The following MAPK10 variants were observed in gnomAD, a reference collection of about 807,000 sequenced individuals.
The protein encoded by MAPK10 is mitogen-activated protein kinase 10, also known as JNK3 alpha protein kinase.
Under a neutral mutation model 59.3 loss-of-function variants are expected in MAPK10, and 25 were observed. The ratio of observed to expected loss-of-function variants is 0.42; its 90% CI spans 0.31 to 0.59. The LOEUF is 0.59. Among genes scored for constraint, MAPK10 ranks in the 20% least tolerant of loss-of-function variants. MAPK10 has a pLI of 0.15. For synonymous variants in MAPK10, 190 were observed against 200.5 expected (o/e 0.95, Z 0.44); for missense variants, 351 against 568.9 (o/e 0.62, Z 3.90).
chr4:86,227,361 C>A (rs2090809035), intron 2 of MAPK10, among the ~76,000 whole-genome samples: 1 of 151,722 alleles, frequency 6.6e-6, no homozygotes, highest in African/African-American at 2.4e-5. Context: ...GTGGTGGGTG[C>A]CTGTGGTCCC....
At chr4:86,388,725 T>C (rs1470528770) in intron 1 of MAPK10, among the ~76,000 whole-genome samples, 1 of 152,088 alleles carries the variant, frequency 6.6e-6, no homozygotes, top group Non-Finnish European at 1.5e-5. Flanking sequence ...CCTTAATATA[T>C]AGCATAAACA....
intron 9 of MAPK10, among the ~76,000 whole-genome samples, chr4:86,086,366 T>C (rs1458806808): frequency 6.6e-6 from 1 of 152,108 alleles, no homozygotes; most frequent in East Asian, 1.9e-4. Context: ...CAGTAAATAA[T>C]AATTTAATTG....
chr4:86,412,378 T>C (rs1287739771), intron 1 of MAPK10, among the ~76,000 whole-genome samples: 1 of 152,214 alleles, frequency 6.6e-6, no homozygotes, highest in Non-Finnish European at 1.5e-5. Flanking sequence ...ATTATGTGTC[T>C]TGGGGTTGCT....
chr4:86,480,343 A>C (rs1190019877), intron 1 of MAPK10, among the ~76,000 whole-genome samples: 1 of 151,380 alleles, frequency 6.6e-6, no homozygotes, highest in Admixed American at 6.6e-5. Context: ...CCCGCCAGAG[A>C]ACAACTGCCT....
chr4:86,568,225 T>C (rs992511270), intron 1 of MAPK10, among the ~76,000 whole-genome samples: 1 of 152,066 alleles, frequency 6.6e-6, no homozygotes, highest in East Asian at 1.9e-4. Context: ...TACCCAGAAA[T>C]ATATTTTACC....
At chr4:86,330,166 T>C (rs1014930112) in intron 2 of MAPK10, among the ~76,000 whole-genome samples, 1 of 152,210 alleles carries the variant, frequency 6.6e-6, no homozygotes, top group African/African-American at 2.4e-5. Context: ...TGTCTTTCCA[T>C]TGGAACTAAT....
intron 4 of MAPK10, 117 bp downstream of exon 4, chr4:86,159,181 T>C: frequency 1.3e-6 from 1 of 768,716 alleles, no homozygotes; most frequent in Non-Finnish European, 1.9e-6. Context: ...AGTAGGATTA[T>C]TTTTCCCTCC....
At chr4:86,468,276 C>T (rs1437275664) in intron 1 of MAPK10, among the ~76,000 whole-genome samples, 1 of 152,166 alleles carries the variant, frequency 6.6e-6, no homozygotes, top group African/African-American at 2.4e-5. Context: ...TCTTGAGATG[C>T]TTGCATATAT....
chr4:86,408,530 G>A (rs898002877), intron 1 of MAPK10, among the ~76,000 whole-genome samples: 10 of 152,140 alleles, frequency 6.6e-5, no homozygotes, highest in African/African-American at 1.4e-4. Context: ...GTGTAAAAGT[G>A]TTCTTATTTC....
chr4:86,327,441 T>C (rs113830534), intron 2 of MAPK10: 24 of 152,144 alleles, frequency 1.6e-4, no homozygotes, highest in African/African-American at 5.5e-4. Flanking sequence ...GAATTTTTTC[T>C]TCAGTCCGAG....
chr4:86,515,884 TG>T (rs201370182), intron 1 of MAPK10, among the ~76,000 whole-genome samples: 3,994 of 133,580 alleles, frequency 0.03, 173 homozygotes, highest in African/African-American at 0.093. Flanking sequence ...TTTTTGTTGT[TG>T]TTTTTTTTTT....
chr4:86,191,642 A>G (rs982161255), intron 3 of MAPK10: 2 of 118,926 alleles, frequency 1.7e-5, no homozygotes, highest in Non-Finnish European at 3.3e-5. Flanking sequence ...TTTTGAGCCT[A>G]TATGTGTCTT....
At chr4:86,320,174 C>G (rs1355771798) in intron 2 of MAPK10, among the ~76,000 whole-genome samples, 2 of 152,168 alleles carry the variant, frequency 1.3e-5, no homozygotes, top group African/African-American at 2.4e-5. Flanking sequence ...TTTTTCACAT[C>G]CGTAAAATGT....
chr4:86,458,684 A>G (rs2149059982), intron 1 of MAPK10, among the ~76,000 whole-genome samples: 1 of 152,360 alleles, frequency 6.6e-6, no homozygotes, highest in South Asian at 2.1e-4. Context: ...ACCCTATTCA[A>G]CAAATGGTGC....
chr4:86,548,676 A>C (rs755290675), intron 1 of MAPK10, among the ~76,000 whole-genome samples: 3 of 152,150 alleles, frequency 2.0e-5, no homozygotes, highest in Non-Finnish European at 4.4e-5. Flanking sequence ...TGAGCCAATT[A>C]AACCTCTTTT....
Position 86,118,346 on chromosome 4 carries a change from G to A in MAPK10, c.237-10994C>T, listed in dbSNP as rs372899121. On this transcript the variant is annotated intron_variant, in intron 4 of 13. Coordinates refer to ENST00000641462, the MANE Select transcript of MAPK10 (RefSeq NM_138982.4). Reference sequence around the variant, plus strand: ...TTTTTCTTTCTGCTATCTTTATGCAGGTAAAAATGGAGATAGGTCTTTATG... The same window carrying A: ...TTTTTCTTTCTGCTATCTTTATGCAAGTAAAAATGGAGATAGGTCTTTATG... 7.3e-4 allele frequency among the ~76,000 whole-genome samples: 111 copies of A among 151,930 alleles called. 2 individuals carry two copies. In the South Asian group the frequency reaches 0.022, roughly 31 times the overall value.
chr4:86,201,671 T>A (rs929044769), intron 2 of MAPK10, among the ~76,000 whole-genome samples: 1 of 151,888 alleles, frequency 6.6e-6, no homozygotes, highest in African/African-American at 2.4e-5. Context: ...ATGTTATTTT[T>A]AAATTAGTAG....
intron 1 of MAPK10, among the ~76,000 whole-genome samples, chr4:86,442,309 A>G (rs1469902448): frequency 6.6e-6 from 1 of 152,194 alleles, no homozygotes; most frequent in Admixed American, 6.5e-5. Flanking sequence ...CATTCTTATT[A>G]CAAAATTTTC....
chr4:86,071,814 G>A (rs1167589329), intron 9 of MAPK10, among the ~76,000 whole-genome samples: 4 of 149,888 alleles, frequency 2.7e-5, no homozygotes, highest in Non-Finnish European at 6.0e-5. Flanking sequence ...ATAGTTTGAA[G>A]TCAGGTAGTG....
Sources: gnomAD v4.1 joint callset for allele counts (sites outside exome capture counted in the v4.1 genomes callset) on GRCh38, gnomAD v4.1.1 for gene constraint, MANE v1.5 for transcripts, NCBI Gene and HGNC (gene_info 2026-07-23, HGNC 2026-07-21) for gene names.